The following PPP2R3B variants were observed in gnomAD, a reference collection of about 807,000 sequenced individuals.
The protein encoded by PPP2R3B is serine/threonine-protein phosphatase 2A regulatory subunit B'' subunit beta.
In PPP2R3B, 68 loss-of-function variants were observed where a neutral mutation model predicts 72.9. The observed-to-expected ratio is 0.93, with a 90% CI of 0.77 to 1.14. The LOEUF (loss-of-function observed/expected upper bound fraction) is 1.14, where lower values mean the gene tolerates loss of function less well. Among genes scored for constraint, PPP2R3B ranks in the 50% most tolerant of loss-of-function variants. PPP2R3B has a pLI of 0.00. For missense variants in PPP2R3B, 1,018 were observed against 842.0 expected, an observed-to-expected ratio of 1.21 and a Z score of -2.59; for synonymous variants, 466 against 375.8, an observed-to-expected ratio of 1.24 and a Z score of -2.78.
rs1194741587 is a variant in PPP2R3B at position 334,308 on chromosome X, CGGTGGCCCGGT to C, written c.*48_*58del. The C allele has an allele frequency of 2.5e-4, 357 of 1,422,450 alleles. No homozygotes were observed. Among genetic ancestry groups the C allele is most frequent in the African/African-American group, 2.0e-3 (130 of 66,308 alleles). The allele number at this position is 1,422,450 out of a possible 1,614,324, so 88.1% of individuals were successfully genotyped here. ...TCCACAACAGTTTTTACACGAGCCG[CGGTGGCCCGGT>C]GGTGGCACGTGGGGAGCGGCCCCGC... On this transcript the variant is annotated 3_prime_UTR_variant, in exon 13 of 13. Transcript: ENST00000390665.
At chrX:346,300 C>T in intron 5 of PPP2R3B, 40 bp from the exon 6 acceptor site, 1 of 1,531,284 alleles carries the variant, frequency 6.5e-7, no homozygotes, top group Admixed American at 2.0e-5. Context: ...CGCAGAGACC[C>T]CCAGGAGCCT....
intron 1 of PPP2R3B, among the ~76,000 whole-genome samples, chrX:379,501 G>A (rs978736483): frequency 4.2e-4 from 64 of 152,172 alleles, no homozygotes; most frequent in Admixed American, 7.2e-4. Flanking sequence ...TGATGCACAC[G>A]CACGCCCGTG....
chrX:355,679 G>A (rs1281897828), intron 2 of PPP2R3B, among the ~76,000 whole-genome samples: 2 of 151,640 alleles, frequency 1.3e-5, no homozygotes, highest in East Asian at 3.9e-4. Flanking sequence ...AAATGGTTAC[G>A]GTGGTGAATT....
At chrX:384,280 C>CTATATATA (rs202088659) in intron 1 of PPP2R3B, among the ~76,000 whole-genome samples, 2 of 146,196 alleles carry the variant, frequency 1.4e-5, no homozygotes, top group African/African-American at 5.2e-5. Context: ...CTCTCTCTCT[C>CTATATATA]TCTATATATA....
At position 334,221 on chromosome X, in the gene PPP2R3B, G is replaced by A. The variant is rs765118923; in HGVS notation, c.*146C>T. On this transcript the variant is annotated 3_prime_UTR_variant, in exon 13 of 13. Coordinates refer to ENST00000390665, the MANE Select transcript of PPP2R3B (RefSeq NM_013239.5). ...GCAGGTCCAGCCACGAACCCACAGC[G>A]GCAATCAACACGCTTCTGTGAATAA... 219 of 1,005,378 alleles carry A rather than the reference G, an allele frequency of 2.2e-4. 1 individual carries two copies. The highest frequency in any genetic ancestry group is 5.4e-4 in the African/African-American group (31 of 57,434). The allele number at this position is 1,005,378 out of a possible 1,614,324, so 62.3% of individuals were successfully genotyped here.
rs1482474780 is a variant in PPP2R3B, at chrX:347,084, G to A, written c.717+150C>T. 6.0e-5 allele frequency: 57 copies of A among 946,502 alleles called. No homozygotes were observed. In the Middle Eastern group the frequency reaches 1.6e-3, roughly 27 times the overall value. 58.6% of individuals were successfully genotyped at this position (946,502 alleles called of 1,614,324 possible). A position where few individuals can be genotyped will look rare whatever the true frequency, so the allele number is the denominator to read the frequency against. On this transcript the variant is annotated intron_variant, in intron 4 of 12. Transcript: ENST00000390665. ...GATGAGGCATGTGGTGTAGACGCGG[G>A]CCCTCCCATGAGGTGTGCGGTGTAG...
intron 1 of PPP2R3B, among the ~76,000 whole-genome samples, chrX:381,144 G>T (rs1344748485): frequency 6.6e-6 from 1 of 151,930 alleles, no homozygotes; most frequent in Admixed American, 6.6e-5. Flanking sequence ...GCCCAGGCTG[G>T]GCTCAAACTC....
At chrX:376,499 C>T (rs771820772) in intron 1 of PPP2R3B, among the ~76,000 whole-genome samples, 1 of 151,838 alleles carries the variant, frequency 6.6e-6, no homozygotes, top group African/African-American at 2.4e-5. Context: ...CGCCATGGGG[C>T]TGTCTATACA....
intron 2 of PPP2R3B, among the ~76,000 whole-genome samples, chrX:356,794 C>T (rs2978184): frequency 0.11 from 12,678 of 112,430 alleles, 901 homozygotes; most frequent in African/African-American, 0.19. Flanking sequence ...TAGTGAGCCC[C>T]ACAGTATCCA....
intron 1 of PPP2R3B, among the ~76,000 whole-genome samples, chrX:364,745 TG>T (rs1416497043): frequency 5.2e-5 from 4 of 76,810 alleles, no homozygotes; most frequent in Non-Finnish European, 9.0e-5. Flanking sequence ...TAACCAGGTG[TG>T]GTGGCGCATG....
Position 334,244 on chromosome X carries a change from T to G in PPP2R3B, c.*123A>C. ...GCGGCAATCAACACGCTTCTGTGAA[T>G]AAATAAAAGTTTATCATTCCGTACA... On this transcript the variant is annotated 3_prime_UTR_variant, in exon 13 of 13. Transcript: ENST00000390665. 1 of 1,167,688 alleles carries G rather than the reference T, an allele frequency of 8.6e-7. No individual in the cohort carries two copies. Among genetic ancestry groups the G allele is most frequent in the Non-Finnish European group, 1.1e-6 (1 of 890,578 alleles). 72.3% of individuals were successfully genotyped at this position (1,167,688 alleles called of 1,614,324 possible).
intron 1 of PPP2R3B, chrX:362,216 C>A (rs1029640447): frequency 8.2e-5 from 13 of 157,884 alleles, no homozygotes; most frequent in Admixed American, 6.2e-4. Context: ...CACCAGCACT[C>A]TCCTCACCCA....
At chrX:334,799 C>G (rs6645071) in intron 12 of PPP2R3B, 3 of 379,184 alleles carry the variant, frequency 7.9e-6, no homozygotes, top group African/African-American at 4.2e-5. Context: ...GGGCGCGCCT[C>G]TTCCCCAAAG....
intron 12 of PPP2R3B, chrX:334,759 G>A (rs900393254): frequency 6.2e-5 from 28 of 454,190 alleles, no homozygotes; most frequent in Admixed American, 1.3e-4. Context: ...ACGGAGCCCC[G>A]GGCGTGAGCT....
At chrX:385,823 G>T (rs943278448) in intron 1 of PPP2R3B, among the ~76,000 whole-genome samples, 5 of 152,000 alleles carry the variant, frequency 3.3e-5, no homozygotes, top group African/African-American at 9.7e-5. Context: ...ACTCACGTCT[G>T]AAATCCCAGC....
Position 334,301 on chromosome X carries a change from C to T in PPP2R3B, c.*66G>A, listed in dbSNP as rs1490779483. 52 of 1,409,444 alleles carry T rather than the reference C, an allele frequency of 3.7e-5. No homozygotes were observed. Among genetic ancestry groups the T allele is most frequent in the South Asian group, 1.5e-4 (10 of 65,824 alleles). The allele number at this position is 1,409,444 out of a possible 1,614,324, so 87.3% of individuals were successfully genotyped here. A position where few individuals can be genotyped will look rare whatever the true frequency, so the allele number is the denominator to read the frequency against. On this transcript the variant is annotated 3_prime_UTR_variant, in exon 13 of 13. Transcript: ENST00000390665. ...CTCATTTTCCACAACAGTTTTTACA[C>T]GAGCCGCGGTGGCCCGGTGGTGGCA...
At chrX:380,948 T>TC (rs1329004115) in intron 1 of PPP2R3B, among the ~76,000 whole-genome samples, 1 of 151,792 alleles carries the variant, frequency 6.6e-6, no homozygotes, top group East Asian at 1.9e-4. Flanking sequence ...CTTTTTTTTT[T>TC]TTTTAGAGAC....
intron 2 of PPP2R3B, among the ~76,000 whole-genome samples, chrX:351,159 C>T (rs1001153245): frequency 2.6e-5 from 4 of 152,118 alleles, no homozygotes; most frequent in East Asian, 1.9e-4. Flanking sequence ...CCGCAGGACG[C>T]ACAGGCACGT....
At chrX:354,147 A>G (rs1206671736) in intron 2 of PPP2R3B, among the ~76,000 whole-genome samples, 5 of 134,276 alleles carry the variant, frequency 3.7e-5, no homozygotes, top group African/African-American at 1.6e-4. Context: ...GGCTCACCCA[A>G]ACACCGGGGG....
Sources: gnomAD v4.1 joint callset for allele counts (sites outside exome capture counted in the v4.1 genomes callset) on GRCh38, gnomAD v4.1.1 for gene constraint, MANE v1.5 for transcripts, NCBI Gene and HGNC (gene_info 2026-07-23, HGNC 2026-07-21) for gene names.